Variants in MRS2 observed in about 807,000 individuals in gnomAD.
The protein encoded by MRS2 is magnesium transporter MRS2.
Under a neutral mutation model 52.6 loss-of-function variants are expected in MRS2, and 40 were observed. The observed-to-expected ratio is 0.76, with a 90% confidence interval of 0.59 to 0.99. The LOEUF is 0.99. Ranked by LOEUF, MRS2 falls within the 50% of genes least tolerant of loss-of-function variation. The pLI is 0.00. For missense variants in MRS2, 472 were observed against 532.7 expected, an observed-to-expected ratio of 0.89 and a Z score of 1.12; for synonymous variants, 193 against 195.9, an observed-to-expected ratio of 0.98 and a Z score of 0.13.
At chr6:24,409,793 T>C (rs79074604) in intron 4 of MRS2, among the ~76,000 whole-genome samples, 1,738 of 152,300 alleles carry the variant, frequency 0.011, 23 homozygotes, top group African/African-American at 0.038. Flanking sequence ...GTGTTTTAAG[T>C]TGGAAAAGCT....
At chr6:24,423,481 T>G (rs1231473452) in intron 10 of MRS2, 103 bp from the exon 11 acceptor site, 2 of 580,762 alleles carry the variant, frequency 3.4e-6, no homozygotes, top group African/African-American at 3.7e-5. Context: ...ACACTGATAC[T>G]GCTTATAGTC....
intron 9 of MRS2, among the ~76,000 whole-genome samples, chr6:24,422,000 T>C (rs1762056548): frequency 6.6e-6 from 1 of 151,902 alleles, no homozygotes; most frequent in Non-Finnish European, 1.5e-5. Flanking sequence ...AATACAAAAA[T>C]TAGCTGGGCA....
intron 10 of MRS2, 93 bp downstream of exon 10, chr6:24,423,143 T>C: frequency 1.0e-6 from 1 of 977,984 alleles, no homozygotes; most frequent in Non-Finnish European, 1.6e-6. Context: ...TCACAGGCAC[T>C]ATGGCCCTTG....
rs992076102 is a variant in MRS2 at position 24,420,483 on chromosome 6, G to T, written c.1107+1905G>T. On this transcript the variant is annotated intron_variant, in intron 9 of 10. Coordinates refer to ENST00000378386, the MANE Select transcript of MRS2 (RefSeq NM_020662.4). Reference sequence around the variant, plus strand: ...ATGTGTTCATTCATCTCACAAATACGTTTTTTTATTGCCTGTTATATACCA... The same window carrying T: ...ATGTGTTCATTCATCTCACAAATACTTTTTTTTATTGCCTGTTATATACCA... Among the ~76,000 whole-genome samples, 4 of 152,210 alleles carry T rather than the reference G, an allele frequency of 2.6e-5. No individual in the cohort carries two copies. The South Asian group carries it at 8.3e-4, about 32-fold the overall frequency.
chr6:24,423,650 C>T lies in MRS2; in HGVS notation c.1288C>T (p.Leu430=). The part of the protein sequence containing the change: ...RSMELKNSLR[L]DGLGSGRSIL... ...CATGGAATTGAAAAATAGCCTCAGA[C>T]TGGATGGACTTGGATCAGGAAGGAG... is the stretch of plus-strand genomic sequence containing the variant. Residue 430 remains leucine, a synonymous_variant, in exon 11 of 11, where the codon CTG becomes TTG. Coordinates refer to ENST00000378386, the MANE Select transcript of MRS2 (RefSeq NM_020662.4). The T allele has an allele frequency of 6.2e-7, 1 of 1,612,528 alleles. No individual in the cohort carries two copies. Among genetic ancestry groups the T allele is most frequent in the Non-Finnish European group, 8.5e-7 (1 of 1,178,834 alleles).
intron 6 of MRS2, among the ~76,000 whole-genome samples, 194 bp from the exon 7 acceptor site, chr6:24,416,203 G>A (rs1045150967): frequency 1.3e-5 from 2 of 151,600 alleles, no homozygotes; most frequent in Admixed American, 1.3e-4. Flanking sequence ...GATTACAGGC[G>A]TGACACCATG....
At chr6:24,415,255 T>A (rs1761808711) in intron 6 of MRS2, 92 bp downstream of exon 6, 1 of 1,358,226 alleles carries the variant, frequency 7.4e-7, no homozygotes, top group Non-Finnish European at 9.9e-7. Flanking sequence ...TTTTAAAGTA[T>A]GAAAGTAGCC....
chr6:24,406,104 C>CACAA (rs1554125173), intron 2 of MRS2, among the ~76,000 whole-genome samples: 2 of 103,170 alleles, frequency 1.9e-5, no homozygotes, highest in Non-Finnish European at 3.6e-5. Flanking sequence ...GACTCCATCT[C>CACAA]AAAAAAAAAA....
intron 5 of MRS2, 58 bp downstream of exon 5, chr6:24,412,453 T>C (rs1233850661): frequency 2.2e-6 from 3 of 1,362,704 alleles, no homozygotes; most frequent in Non-Finnish European, 3.0e-6. Context: ...TGTCATTGAG[T>C]GGGAAGACAA....
At chr6:24,403,416 T>G (rs1486798951) in intron 1 of MRS2, among the ~76,000 whole-genome samples, 180 bp downstream of exon 1, 2 of 152,234 alleles carry the variant, frequency 1.3e-5, no homozygotes, top group Non-Finnish European at 2.9e-5. Context: ...TCGCTCAGAA[T>G]GCGACCTTGC....
chr6:24,416,294 A>G, intron 6 of MRS2, 103 bp from the exon 7 acceptor site: 1 of 534,932 alleles, frequency 1.9e-6, no homozygotes, highest in Non-Finnish European at 3.3e-6. Context: ...TTTAGCATGA[A>G]TGTATAAGAT....
chr6:24,423,574 C>G lies in MRS2; in HGVS notation c.1222-10C>G, dbSNP rs1187573705. ...AAAGATACTAAAATTAATACTTCTG[C>G]TTTATTTAGATGGCTTCTTTACCTA... On this transcript the variant is annotated splice_polypyrimidine_tract_variant and intron_variant, in intron 10 of 10. Transcript: ENST00000378386. 2 of 1,487,024 alleles carry G rather than the reference C, an allele frequency of 1.3e-6. No individual in the cohort carries two copies. Among genetic ancestry groups the G allele is most frequent in the Non-Finnish European group, 1.9e-6 (2 of 1,072,886 alleles). The allele number at this position is 1,487,024 out of a possible 1,614,324, so 92.1% of individuals were successfully genotyped here. A position where few individuals can be genotyped will look rare whatever the true frequency, so the allele number is the denominator to read the frequency against.
intron 7 of MRS2, 134 bp from the exon 8 acceptor site, chr6:24,417,950 A>AG: frequency 2.9e-6 from 2 of 682,042 alleles, no homozygotes; most frequent in Non-Finnish European, 2.3e-6. Context: ...CAAAAAAAAA[A>AG]AAAGACAAGA....
chr6:24,422,131 A>C (rs1385185014), intron 9 of MRS2, among the ~76,000 whole-genome samples: 1 of 151,772 alleles, frequency 6.6e-6, no homozygotes. Flanking sequence ...TCCTGGGTGA[A>C]GAGCAAGACT....
chr6:24,410,719 T>G, intron 4 of MRS2: 1 of 1,523,244 alleles, frequency 6.6e-7, no homozygotes, highest in Non-Finnish European at 8.8e-7. Flanking sequence ...CCATGTGATT[T>G]TCTTCAGAAA....
At chr6:24,406,781 A>AG in intron 2 of MRS2, among the ~76,000 whole-genome samples, 1 of 152,240 alleles carries the variant, frequency 6.6e-6, no homozygotes, top group Non-Finnish European at 1.5e-5. Context: ...TCTCAAAAAA[A>AG]GAATACAAAG....
In MRS2 at chr6:24,403,238, T is replaced by TA; in HGVS notation, c.190+3dup. On this transcript the variant is annotated splice_region_variant and intron_variant, in intron 1 of 10. Transcript: ENST00000378386. ...GGCCCGACCGGCTCCGCGTGGCAGG[T>TA]ACTGCCCTTCCCCGGCAACAGCCTT... is the stretch of plus-strand genomic sequence containing the variant. The TA allele has an allele frequency of 6.3e-7, 1 of 1,590,694 alleles. No individual in the cohort carries two copies.
At chr6:24,411,074 C>T (rs1345580725) in intron 4 of MRS2, among the ~76,000 whole-genome samples, 1 of 151,696 alleles carries the variant, frequency 6.6e-6, no homozygotes, top group Non-Finnish European at 1.5e-5. Flanking sequence ...CCTGTAATTC[C>T]AGCTACTCAG....
chr6:24,415,291 G>A (rs1761810076), intron 6 of MRS2, 128 bp downstream of exon 6: 2 of 849,892 alleles, frequency 2.4e-6, no homozygotes, highest in Non-Finnish European at 1.7e-6. Flanking sequence ...GCTAAAAGGG[G>A]CACACAATCT....
Sources: gnomAD v4.1 joint callset for allele counts (sites outside exome capture counted in the v4.1 genomes callset) on GRCh38, gnomAD v4.1.1 for gene constraint, MANE v1.5 for transcripts, NCBI Gene and HGNC (gene_info 2026-07-23, HGNC 2026-07-21) for gene names.